The following GRIK3 variants were observed in gnomAD, a reference collection of about 807,000 sequenced individuals.
The protein encoded by GRIK3 is glutamate receptor ionotropic, kainate 3.
In GRIK3, 29 loss-of-function variants were observed where a neutral mutation model predicts 102.5. The observed-to-expected ratio is 0.28, with a 90% confidence interval of 0.21 to 0.39. The LOEUF is 0.39. Among genes scored for constraint, GRIK3 ranks in the 10% least tolerant of loss-of-function variants. GRIK3 has a pLI of 1.00. For missense variants in GRIK3, 908 were observed against 1,252.4 expected (o/e 0.73, Z 4.15); for synonymous variants, 511 against 504.9 (o/e 1.01, Z -0.16).
intron 1 of GRIK3, among the ~76,000 whole-genome samples, chr1:37,009,111 C>T (rs1457921956): frequency 6.6e-6 from 1 of 150,858 alleles, no homozygotes. Context: ...ATAATATCAA[C>T]CTCGAACTGT....
At chr1:36,858,903 A>G (rs985417733) in intron 7 of GRIK3, among the ~76,000 whole-genome samples, 1 of 152,208 alleles carries the variant, frequency 6.6e-6, no homozygotes, top group African/African-American at 2.4e-5. Context: ...CCACATGCCC[A>G]AGATGTATGC....
At chr1:37,012,738 T>C (rs1642611478) in intron 1 of GRIK3, among the ~76,000 whole-genome samples, 1 of 152,234 alleles carries the variant, frequency 6.6e-6, no homozygotes, top group African/African-American at 2.4e-5. Flanking sequence ...AAGACTTTCC[T>C]AACGCAGCTT....
chr1:37,017,370 A>AG (rs1491572822), intron 1 of GRIK3, among the ~76,000 whole-genome samples: 2 of 38,416 alleles, frequency 5.2e-5, no homozygotes, highest in African/African-American at 1.5e-4. Context: ...CCTGTCTCTT[A>AG]AAAAAAAAAA....
intron 1 of GRIK3, among the ~76,000 whole-genome samples, chr1:36,953,112 T>G (rs1641864722): frequency 6.6e-6 from 1 of 152,114 alleles, no homozygotes; most frequent in Admixed American, 6.5e-5. Flanking sequence ...CACACGTCTG[T>G]TGGGCTCCAT....
chr1:36,983,279 TCA>T (rs1163512060), intron 1 of GRIK3, among the ~76,000 whole-genome samples: 1 of 151,904 alleles, frequency 6.6e-6, no homozygotes, highest in Admixed American at 6.5e-5. Context: ...ATGAAAGCAT[TCA>T]CACACACACT....
chr1:37,005,231 G>A (rs993260106), intron 1 of GRIK3, among the ~76,000 whole-genome samples: 3 of 152,108 alleles, frequency 2.0e-5, no homozygotes, highest in African/African-American at 4.8e-5. Flanking sequence ...AGCCTCTTTG[G>A]ACATCATAAT....
chr1:36,916,976 CCA>C (rs1641408968), intron 1 of GRIK3, among the ~76,000 whole-genome samples: 1 of 152,208 alleles, frequency 6.6e-6, no homozygotes, highest in Admixed American at 6.5e-5. Flanking sequence ...TCTGGAAAAA[CCA>C]CAGACACTCA....
intron 2 of GRIK3, among the ~76,000 whole-genome samples, chr1:36,889,079 T>C (rs1269656557): frequency 6.6e-6 from 1 of 151,992 alleles, no homozygotes; most frequent in African/African-American, 2.4e-5. Flanking sequence ...CACGGGGGCT[T>C]GCAGACAAGT....
rs754640193 is a variant in GRIK3, at chr1:37,033,977, C to G, written c.115+17G>C. 8 of 1,490,766 alleles carry G rather than the reference C, an allele frequency of 5.4e-6. No individual in the cohort carries two copies. The highest frequency in any genetic ancestry group is 6.4e-6 in the Non-Finnish European group (7 of 1,088,564). 92.3% of individuals were successfully genotyped at this position (1,490,766 alleles called of 1,614,324 possible). Reference sequence around the variant, plus strand: ...CTCCCGGGCGCACGGAGACCCCCGGCTCCAGGGAGCGCTTACCGATCCGGA... The same window carrying G: ...CTCCCGGGCGCACGGAGACCCCCGGGTCCAGGGAGCGCTTACCGATCCGGA... On this transcript the variant is annotated intron_variant, in intron 1 of 15. Coordinates refer to ENST00000373091, the MANE Select transcript of GRIK3 (RefSeq NM_000831.4).
At chr1:36,938,078 A>T (rs566517471) in intron 1 of GRIK3, among the ~76,000 whole-genome samples, 1 of 152,378 alleles carries the variant, frequency 6.6e-6, no homozygotes, top group Admixed American at 6.5e-5. Flanking sequence ...TCAGGCACTC[A>T]TGGACTGGTA....
At chr1:36,818,266 T>C (rs1426239150) in intron 12 of GRIK3, among the ~76,000 whole-genome samples, 2 of 152,214 alleles carry the variant, frequency 1.3e-5, no homozygotes, top group Non-Finnish European at 2.9e-5. Context: ...AAGCTATTAC[T>C]GCATTGAGGG....
At chr1:36,831,353 C>T (rs1640294037) in intron 10 of GRIK3, among the ~76,000 whole-genome samples, 2 of 152,220 alleles carry the variant, frequency 1.3e-5, no homozygotes, top group South Asian at 2.1e-4. Context: ...ACCTCCAGGT[C>T]CCTCTGCTGC....
intron 13 of GRIK3, among the ~76,000 whole-genome samples, chr1:36,813,286 C>G (rs554678447): frequency 6.6e-6 from 1 of 152,310 alleles, no homozygotes; most frequent in Non-Finnish European, 1.5e-5. Flanking sequence ...ATGTTATAAA[C>G]AAATACAGGT....
At chr1:36,910,427 G>A (rs1318079525) in intron 1 of GRIK3, among the ~76,000 whole-genome samples, 1 of 152,240 alleles carries the variant, frequency 6.6e-6, no homozygotes, top group Non-Finnish European at 1.5e-5. Context: ...TCCTGCCAGG[G>A]CCCCCGCAGC....
chr1:36,951,977 C>T (rs780748372), intron 1 of GRIK3, among the ~76,000 whole-genome samples: 11 of 152,062 alleles, frequency 7.2e-5, no homozygotes, highest in Admixed American at 2.6e-4. Flanking sequence ...GGAGGAGCAT[C>T]GAAGGGAAAT....
intron 4 of GRIK3, among the ~76,000 whole-genome samples, chr1:36,871,595 C>G (rs1363754243): frequency 2.6e-5 from 4 of 152,242 alleles, no homozygotes; most frequent in African/African-American, 9.6e-5. Context: ...GAGCTTGGCT[C>G]TCGTCCCCAG....
chr1:37,007,304 C>T (rs1384619019), intron 1 of GRIK3, among the ~76,000 whole-genome samples: 2 of 152,192 alleles, frequency 1.3e-5, no homozygotes, highest in Non-Finnish European at 2.9e-5. Context: ...GGTCAGGTAG[C>T]CAGTAAGTAA....
chr1:36,926,689 CT>C (rs1468040790), intron 1 of GRIK3, among the ~76,000 whole-genome samples: 1 of 152,072 alleles, frequency 6.6e-6, no homozygotes, highest in Non-Finnish European at 1.5e-5. Context: ...GTGCCCGGCC[CT>C]ACTCCCCACT....
At chr1:36,823,661 G>T (rs969854853) in intron 11 of GRIK3, among the ~76,000 whole-genome samples, 1 of 152,018 alleles carries the variant, frequency 6.6e-6, no homozygotes, top group Non-Finnish European at 1.5e-5. Flanking sequence ...TGAGCTCTCC[G>T]GGGTGCCTTA....
Sources: gnomAD v4.1 joint callset for allele counts (sites outside exome capture counted in the v4.1 genomes callset) on GRCh38, gnomAD v4.1.1 for gene constraint, MANE v1.5 for transcripts, NCBI Gene and HGNC (gene_info 2026-07-23, HGNC 2026-07-21) for gene names.